The following CGAS variants were observed in gnomAD, a reference collection of about 807,000 sequenced individuals.
The protein encoded by CGAS is cyclic GMP-AMP synthase, also known as 2'3'-cGAMP synthase.
CGAS carries 31 observed loss-of-function variants against 34.0 expected under a neutral mutation model. The observed-to-expected ratio is 0.91, with a 90% CI of 0.69 to 1.23. CGAS has a LOEUF of 1.23. Among genes scored for constraint, CGAS ranks in the 50% most tolerant of loss-of-function variants. The probability of loss-of-function intolerance (pLI) is 0.00; values close to 1 mark genes in which losing one functional copy is unlikely to be tolerated. For missense variants in CGAS, 597 were observed against 657.6 expected (o/e 0.91, Z 1.01); for synonymous variants, 266 against 260.0 (o/e 1.02, Z -0.22).
chr6:73,437,578 A>G (rs1318644034), intron 3 of CGAS, among the ~76,000 whole-genome samples: 1 of 152,114 alleles, frequency 6.6e-6, no homozygotes, highest in Non-Finnish European at 1.5e-5. Context: ...AGCTGAGACT[A>G]TAGGCATGGG....
In CGAS at chr6:73,424,185, A is replaced by T. The variant is rs576762657; in HGVS notation, c.*1042T>A. ...CGTGGTGGCTCACACCTGTAATCCC[A>T]GCACTTTGGGAGGCCAAGGCGGGCG... On this transcript the variant is annotated 3_prime_UTR_variant, in exon 5 of 5. Coordinates refer to ENST00000370315, the MANE Select transcript of CGAS (RefSeq NM_138441.3). The T allele has an allele frequency of 1.3e-5, 2 of 152,236 alleles. No individual in the cohort carries two copies. The highest frequency in any genetic ancestry group is 2.9e-5 in the Non-Finnish European group (2 of 68,056). 9.4% of individuals were successfully genotyped at this position (152,236 alleles called of 1,614,324 possible). A position where few individuals can be genotyped will look rare whatever the true frequency, so the allele number is the denominator to read the frequency against.
intron 1 of CGAS, among the ~76,000 whole-genome samples, chr6:73,446,060 G>A (rs1244722581): frequency 6.6e-6 from 1 of 152,154 alleles, no homozygotes; most frequent in Non-Finnish European, 1.5e-5. Context: ...CAGGTGCAGT[G>A]GCTCATGCCT....
At chr6:73,451,464 G>A in intron 1 of CGAS, 61 bp downstream of exon 1, 2 of 1,490,370 alleles carry the variant, frequency 1.3e-6, no homozygotes, top group Non-Finnish European at 1.8e-6. Flanking sequence ...GGGAAGGTAG[G>A]GACTGCGGAT....
At chr6:73,450,206 C>T (rs1770540294) in intron 1 of CGAS, among the ~76,000 whole-genome samples, 1 of 151,290 alleles carries the variant, frequency 6.6e-6, no homozygotes, top group Non-Finnish European at 1.5e-5. Flanking sequence ...CACCTGAGGT[C>T]GGGAGTTCTA....
chr6:73,443,474 G>A (rs555091587), intron 2 of CGAS, among the ~76,000 whole-genome samples: 26 of 151,926 alleles, frequency 1.7e-4, no homozygotes. Context: ...TCCTGACCTC[G>A]TGATCCACCC....
intron 1 of CGAS, among the ~76,000 whole-genome samples, chr6:73,450,394 A>G (rs555128355): frequency 1.1e-4 from 16 of 150,994 alleles, no homozygotes; most frequent in Non-Finnish European, 2.1e-4. Flanking sequence ...CAGCCTGGGT[A>G]ACAAGAGCGA....
At chr6:73,432,133 A>T (rs535628650) in intron 3 of CGAS, among the ~76,000 whole-genome samples, 1 of 150,940 alleles carries the variant, frequency 6.6e-6, no homozygotes, top group East Asian at 2.0e-4. Context: ...TAATATAAGA[A>T]AATTATTATT....
intron 3 of CGAS, among the ~76,000 whole-genome samples, chr6:73,429,630 T>C (rs578147): frequency 0.32 from 49,210 of 151,476 alleles, 8,140 homozygotes; most frequent in Non-Finnish European, 0.34. Context: ...ATCAAGACCA[T>C]CCTGGCTAAC....
At chr6:73,435,457 T>C (rs1770265514) in intron 3 of CGAS, among the ~76,000 whole-genome samples, 1 of 152,130 alleles carries the variant, frequency 6.6e-6, no homozygotes, top group African/African-American at 2.4e-5. Flanking sequence ...TGCCTAGCAA[T>C]ATTACATAAC....
chr6:73,428,142 T>C (rs966936074), intron 4 of CGAS, among the ~76,000 whole-genome samples: 1 of 151,530 alleles, frequency 6.6e-6, no homozygotes, highest in Non-Finnish European at 1.5e-5. Context: ...GATGATTGCT[T>C]GAGCCCAGGA....
rs572549565 is a variant in CGAS, at chr6:73,425,015, G to A, written c.*212C>T. On this transcript the variant is annotated 3_prime_UTR_variant, in exon 5 of 5. Transcript: ENST00000370315. ...ATTACAGGCATGCATCACCATGCCCGGCTAATTTTTATATTTTTAGTAGAG... is the reference window on the plus strand; with the variant it reads ...ATTACAGGCATGCATCACCATGCCCAGCTAATTTTTATATTTTTAGTAGAG... 13 of 341,608 alleles carry A rather than the reference G, an allele frequency of 3.8e-5. No homozygotes were observed. Among genetic ancestry groups the A allele is most frequent in the East Asian group, 7.5e-5 (1 of 13,286 alleles). 21.2% of individuals were successfully genotyped at this position (341,608 alleles called of 1,614,324 possible).
intron 4 of CGAS, among the ~76,000 whole-genome samples, chr6:73,426,984 G>A (rs311676): frequency 0.013 from 2,037 of 151,722 alleles, 28 homozygotes; most frequent in Non-Finnish European, 0.02. Flanking sequence ...CTAAGTAGCT[G>A]GGATTACAGG....
At chr6:73,428,131 G>C (rs1770119975) in intron 4 of CGAS, among the ~76,000 whole-genome samples, 1 of 151,812 alleles carries the variant, frequency 6.6e-6, no homozygotes, top group Non-Finnish European at 1.5e-5. Flanking sequence ...GGCTGAGGTA[G>C]GATGATTGCT....
intron 1 of CGAS, 93 bp downstream of exon 1, chr6:73,451,432 G>T: frequency 1.5e-6 from 2 of 1,333,214 alleles, no homozygotes; most frequent in Non-Finnish European, 2.0e-6. Context: ...TACTTCCGAA[G>T]GGAAGTGAGG....
chr6:73,428,842 C>G, intron 3 of CGAS, 31 bp from the exon 4 acceptor site: 1 of 1,573,206 alleles, frequency 6.4e-7, no homozygotes, highest in Non-Finnish European at 8.7e-7. Context: ...CAAAAAAGCA[C>G]TTTACCCAAA....
At position 73,451,928 on chromosome 6, in the gene CGAS, G is replaced by C; in HGVS notation, c.254C>G (p.Pro85Arg). The C allele has an allele frequency of 1.3e-6, 2 of 1,506,006 alleles. No homozygotes were observed. Among genetic ancestry groups the C allele is most frequent in the Non-Finnish European group, 1.8e-6 (2 of 1,124,356 alleles). 93.3% of individuals were successfully genotyped at this position (1,506,006 alleles called of 1,614,324 possible). ...RATGARAKKA[P>R]QRAQDTQPSD... ...CGGCTGCGTGTCCTGGGCGCGCTGA[G>C]GGGCCTTTTTGGCGCGGGCCCCAGT... The change falls in exon 1 of 5, where the codon CCT (proline) becomes CGT (arginine). Residue 85 changes from proline (P) to arginine (R), a missense_variant. Around this residue, in one of 3 missense-constraint regions of CGAS, gnomAD observed 321 missense variants for 314.3 expected, o/e 1.02. Transcript: ENST00000370315.
chr6:73,430,796 C>A (rs1653395936), intron 3 of CGAS, among the ~76,000 whole-genome samples: 2 of 151,664 alleles, frequency 1.3e-5, no homozygotes, highest in South Asian at 4.2e-4. Context: ...ATGTTACTTA[C>A]AATAGTATAA....
intron 3 of CGAS, among the ~76,000 whole-genome samples, chr6:73,438,231 C>G (rs942994434): frequency 6.6e-6 from 1 of 151,948 alleles, no homozygotes; most frequent in Non-Finnish European, 1.5e-5. Context: ...CTGTTAAGTC[C>G]CTCTGTTCAC....
chr6:73,446,247 T>C (rs972403827), intron 1 of CGAS, among the ~76,000 whole-genome samples: 3 of 151,306 alleles, frequency 2.0e-5, no homozygotes, highest in Non-Finnish European at 4.4e-5. Context: ...GGAGAATTGC[T>C]TGAACCTAGA....
Sources: gnomAD v4.1 joint callset for allele counts (sites outside exome capture counted in the v4.1 genomes callset) on GRCh38, gnomAD v4.1.1 for gene constraint, gnomAD v4.1.1 regional missense constraint, MANE v1.5 for transcripts, NCBI Gene and HGNC (gene_info 2026-07-23, HGNC 2026-07-21) for gene names.